PGR: variants seen among roughly 807,000 people sequenced by gnomAD.
PGR encodes progesterone receptor.
A neutral mutation model predicts 76.1 loss-of-function variants in PGR; 25 were observed. That is an observed-to-expected ratio of 0.33 (90% CI 0.24 to 0.46). PGR has a LOEUF of 0.46. PGR is among the 20% of genes least tolerant of loss of function. PGR has a pLI of 1.00. For missense variants in PGR, 1,172 were observed against 1,225.3 expected, an observed-to-expected ratio of 0.96 and a Z score of 0.65; for synonymous variants, 579 against 535.0, an observed-to-expected ratio of 1.08 and a Z score of -1.14.
intron 2 of PGR, among the ~76,000 whole-genome samples, chr11:101,097,295 T>G (rs570580519): frequency 3.3e-4 from 50 of 152,294 alleles, no homozygotes; most frequent in African/African-American, 1.1e-3. Context: ...TCCTTCCAAT[T>G]TATCAACTTA....
chr11:101,100,922 CCTTA>C (rs1299123902), intron 2 of PGR, among the ~76,000 whole-genome samples: 3 of 152,058 alleles, frequency 2.0e-5, no homozygotes, highest in African/African-American at 7.2e-5. Flanking sequence ...CTCATGATCC[CCTTA>C]CTTTTTCAAA....
chr11:101,093,492 C>T (rs1024298997), intron 2 of PGR, among the ~76,000 whole-genome samples: 2 of 152,100 alleles, frequency 1.3e-5, no homozygotes, highest in African/African-American at 4.8e-5. Flanking sequence ...CGGAGTTTCG[C>T]TCTTGTTGCC....
At chr11:101,090,849 G>C (rs1181585039) in intron 3 of PGR, among the ~76,000 whole-genome samples, 1 of 152,184 alleles carries the variant, frequency 6.6e-6, no homozygotes, top group Non-Finnish European at 1.5e-5. Flanking sequence ...AACAAATGAG[G>C]TGACAGTTGT....
chr11:101,056,642 G>GAAAAAAAAAAAAA (rs200810746), intron 4 of PGR, among the ~76,000 whole-genome samples: 1 of 120,958 alleles, frequency 8.3e-6, no homozygotes, highest in Non-Finnish European at 1.7e-5. Flanking sequence ...CCTATCTCAA[G>GAAAAAAAAAAAAA]AAAAAAAAAA....
chr11:101,102,865 G>C (rs1862038459), intron 2 of PGR, among the ~76,000 whole-genome samples: 1 of 146,572 alleles, frequency 6.8e-6, no homozygotes. Context: ...GTGAGGGGTG[G>C]GGGGGGTTGG....
rs535125233 is a variant in PGR at position 101,029,872 on chromosome 11, G to A, written c.*9244C>T. ...ATTAGCTTGAAAATAAGTATATGAT[G>A]ATGATATTAGGTGCCCACTAGCACC... On this transcript the variant is annotated 3_prime_UTR_variant, in exon 8 of 8. Coordinates refer to ENST00000325455, the MANE Select transcript of PGR (RefSeq NM_000926.4). 1 of 222,736 alleles carries A rather than the reference G, an allele frequency of 4.5e-6. No homozygotes were observed. Among genetic ancestry groups the A allele is most frequent in the Non-Finnish European group, 9.0e-6 (1 of 111,460 alleles). The allele number at this position is 222,736 out of a possible 1,614,324, so 13.8% of individuals were successfully genotyped here.
Position 101,129,224 on chromosome 11 carries a change from G to A in PGR, c.-154C>T. 1 of 243,942 alleles carries A rather than the reference G, an allele frequency of 4.1e-6. No homozygotes were observed. Among genetic ancestry groups the A allele is most frequent in the Non-Finnish European group, 8.2e-6 (1 of 121,726 alleles). The allele number at this position is 243,942 out of a possible 1,614,324, so 15.1% of individuals were successfully genotyped here. On this transcript the variant is annotated 5_prime_UTR_variant, in exon 1 of 8. Transcript: ENST00000325455. The stretch of plus-strand genomic sequence containing the variant: ...ATCTCCACCTCCTGGGTCGGGGGCG[G>A]GGGAGGGCGGCGCTGGTCAGCTCCT...
In PGR at chr11:101,127,569, G is replaced by C. The variant is rs900902396; in HGVS notation, c.1502C>G (p.Ser501Cys). The C allele has an allele frequency of 7.3e-7, 1 of 1,373,270 alleles. No individual in the cohort carries two copies. Among genetic ancestry groups the C allele is most frequent in the Non-Finnish European group, 9.4e-7 (1 of 1,062,868 alleles). 85.1% of individuals were successfully genotyped at this position (1,373,270 alleles called of 1,614,324 possible). A position where few individuals can be genotyped will look rare whatever the true frequency, so the allele number is the denominator to read the frequency against. Residue 501 changes from serine to cysteine, a missense_variant, in exon 1 of 8, where the codon TCT (serine) becomes TGT (cysteine). Coordinates refer to ENST00000325455, the MANE Select transcript of PGR (RefSeq NM_000926.4). ...GGGGGCCGCCCCGGCGGCGGCGGCAGAGGCGGAGGTGGAGGGCAGGCCGTC... is the reference window on the plus strand; with the variant it reads ...GGGGGCCGCCCCGGCGGCGGCGGCACAGGCGGAGGTGGAGGGCAGGCCGTC... ...PRDGLPSTSA[S>C]AAAAGAAPAL...
At chr11:101,088,996 C>T (rs747625682) in intron 3 of PGR, among the ~76,000 whole-genome samples, 15 of 152,036 alleles carry the variant, frequency 9.9e-5, no homozygotes, top group Admixed American at 6.5e-4. Context: ...TATTCATGAG[C>T]ATAACAATGG....
Position 101,032,944 on chromosome 11 carries a change from A to T in PGR, c.*6172T>A, listed in dbSNP as rs946805815. On this transcript the variant is annotated 3_prime_UTR_variant, in exon 8 of 8. Transcript: ENST00000325455. ...ATGCCTAAAGTAAGACTTTTCAACA[A>T]AAAATAATTAATTTAATGTTTTAGA... is the stretch of plus-strand genomic sequence containing the variant. 5.4e-6 allele frequency: 1 copy of T among 185,974 alleles called. No homozygotes were observed. Among genetic ancestry groups the T allele is most frequent in the Admixed American group, 6.2e-5 (1 of 16,074 alleles). The allele number at this position is 185,974 out of a possible 1,614,324, so 11.5% of individuals were successfully genotyped here.
chr11:101,127,871 G>A lies in PGR; in HGVS notation c.1200C>T (p.Ser400=), dbSNP rs970158349. 64 of 1,601,400 alleles carry A rather than the reference G, an allele frequency of 4.0e-5. No individual in the cohort carries two copies. The highest frequency in any genetic ancestry group is 5.3e-5 in the Non-Finnish European group (63 of 1,177,712). Residue 400 remains serine (S), a synonymous_variant, in exon 1 of 8, where the codon TCC becomes TCT. Coordinates refer to ENST00000325455, the MANE Select transcript of PGR (RefSeq NM_000926.4). ...CACCGGCCACAAGGTAGGAACGCGG[G>A]GAGCGCGCGGAGGCCTCCGCGCCTT... The part of the protein sequence containing the change: ...EEEGAEASAR[S]PRSYLVAGAN...
intron 2 of PGR, among the ~76,000 whole-genome samples, chr11:101,123,225 C>G (rs544050938): frequency 1.3e-5 from 2 of 152,278 alleles, no homozygotes; most frequent in Admixed American, 1.3e-4. Context: ...ACCTGCAAAG[C>G]ACTGAAATAG....
chr11:101,051,866 T>C (rs1334982692), intron 4 of PGR, among the ~76,000 whole-genome samples: 1 of 152,030 alleles, frequency 6.6e-6, no homozygotes, highest in Non-Finnish European at 1.5e-5. Context: ...ACCATTTGGG[T>C]GCCAGGCACT....
intron 2 of PGR, among the ~76,000 whole-genome samples, chr11:101,120,013 C>T (rs975253779): frequency 1.3e-5 from 2 of 152,114 alleles, no homozygotes; most frequent in African/African-American, 2.4e-5. Context: ...TAAAACAGTG[C>T]CTGGGTTATA....
At chr11:101,065,638 G>C (rs1369238217) in intron 3 of PGR, among the ~76,000 whole-genome samples, 2 of 152,126 alleles carry the variant, frequency 1.3e-5, no homozygotes, top group Non-Finnish European at 2.9e-5. Context: ...ACGACACCTG[G>C]TATTTTGGGT....
chr11:101,106,971 C>G (rs1276507698), intron 2 of PGR, among the ~76,000 whole-genome samples: 1 of 152,058 alleles, frequency 6.6e-6, no homozygotes, highest in South Asian at 2.1e-4. Flanking sequence ...AACAGAAAAC[C>G]AAACACCGCA....
At chr11:101,057,805 T>G (rs1485538281) in intron 4 of PGR, among the ~76,000 whole-genome samples, 1 of 152,110 alleles carries the variant, frequency 6.6e-6, no homozygotes, top group Non-Finnish European at 1.5e-5. Flanking sequence ...GGAAAAGGCC[T>G]TAGGTTTAGG....
intron 2 of PGR, among the ~76,000 whole-genome samples, chr11:101,099,285 A>G (rs1861927391): frequency 6.6e-6 from 1 of 152,234 alleles, no homozygotes; most frequent in African/African-American, 2.4e-5. Flanking sequence ...ACATAAGTAT[A>G]ATGTTGTGTA....
At chr11:101,075,186 T>C (rs1479104620) in intron 3 of PGR, among the ~76,000 whole-genome samples, 2 of 152,126 alleles carry the variant, frequency 1.3e-5, no homozygotes, top group African/African-American at 4.8e-5. Context: ...TACCATCTGA[T>C]CTTTGACAAA....
Sources: gnomAD v4.1 joint callset for allele counts (sites outside exome capture counted in the v4.1 genomes callset) on GRCh38, gnomAD v4.1.1 for gene constraint, MANE v1.5 for transcripts, NCBI Gene and HGNC (gene_info 2026-07-23, HGNC 2026-07-21) for gene names.